The following ANK3 variants were observed in gnomAD, a reference collection of about 807,000 sequenced individuals.
The protein encoded by ANK3 is ankyrin 3, also known as ankyrin-3.
Under a neutral mutation model 370.9 loss-of-function variants are expected in ANK3, and 57 were observed. The observed-to-expected ratio is 0.15, with a 90% CI of 0.12 to 0.19. The LOEUF (loss-of-function observed/expected upper bound fraction) is 0.19. ANK3 is among the 10% of genes least tolerant of loss of function. The pLI, the probability that ANK3 is intolerant of heterozygous loss-of-function variation, is 1.00. For synonymous variants in ANK3, 1,929 were observed against 1,946.3 expected (o/e 0.99, Z 0.23); for missense variants, 4,439 against 5,302.1 (o/e 0.84, Z 5.06).
At chr10:60,715,960 C>T (rs1030833130) in intron 1 of ANK3, among the ~76,000 whole-genome samples, 4 of 152,104 alleles carry the variant, frequency 2.6e-5, no homozygotes, top group African/African-American at 9.7e-5. Flanking sequence ...AGCTTCAACA[C>T]TAGAAAATGT....
chr10:60,417,901 C>T (rs2063701336), intron 2 of ANK3, among the ~76,000 whole-genome samples: 1 of 152,128 alleles, frequency 6.6e-6, no homozygotes, highest in African/African-American at 2.4e-5. Context: ...ATTAATCATA[C>T]TTGAAAGGTT....
chr10:60,085,610 C>CTTTT (rs10601268), intron 30 of ANK3, among the ~76,000 whole-genome samples: 8 of 109,932 alleles, frequency 7.3e-5, no homozygotes, highest in East Asian at 3.3e-4. Flanking sequence ...GTCTCTTACT[C>CTTTT]TTTTTTTTTT....
rs34708451 is a variant in ANK3, at chr10:60,518,146, C to CAAGAAGG, written c.96+97039_96+97040insCCTTCTT. The stretch of plus-strand genomic sequence containing the variant: ...CTAAAACTTACTCTAAAGCCTGGGG[C>CAAGAAGG]AAGGACATCATGGAAGAACTTGTTC... On this transcript the variant is annotated intron_variant, in intron 2 of 43. Coordinates refer to the ANK3 transcript ENST00000373827. Among the ~76,000 whole-genome samples the CAAGAAGG allele has an allele frequency of 3.3e-5, 5 of 151,652 alleles. No homozygotes were observed. The East Asian group carries it at 9.7e-4, about 29-fold the overall frequency.
chr10:60,058,624 T>C (rs2079682836), intron 41 of ANK3, among the ~76,000 whole-genome samples: 2 of 152,212 alleles, frequency 1.3e-5, no homozygotes, highest in Non-Finnish European at 2.9e-5. Context: ...CAAAATGTTA[T>C]TGGTAGATGA....
intron 1 of ANK3, among the ~76,000 whole-genome samples, chr10:60,364,293 C>CA (rs34623231): frequency 0.013 from 1,729 of 135,802 alleles, 12 homozygotes; most frequent in African/African-American, 0.027. Flanking sequence ...GACTCGGTCT[C>CA]AAAAAAAAAA....
chr10:60,486,655 G>C (rs916324598), intron 2 of ANK3, among the ~76,000 whole-genome samples: 2 of 152,104 alleles, frequency 1.3e-5, no homozygotes, highest in African/African-American at 4.8e-5. Context: ...TTGAGTTCCA[G>C]ACTTTCTGAT....
At chr10:60,220,333 C>G (rs1297979406) in intron 8 of ANK3, among the ~76,000 whole-genome samples, 2 of 152,088 alleles carry the variant, frequency 1.3e-5, no homozygotes, top group African/African-American at 4.8e-5. Context: ...TCTGAATGGA[C>G]CCCTCCTCTC....
intron 16 of ANK3, among the ~76,000 whole-genome samples, chr10:60,193,630 G>A (rs968638268): frequency 1.3e-5 from 2 of 149,742 alleles, no homozygotes; most frequent in Non-Finnish European, 3.0e-5. Context: ...ACTCCAGTCT[G>A]GGTGACAAAA....
At chr10:60,488,224 C>CA (rs1194332307) in intron 2 of ANK3, among the ~76,000 whole-genome samples, 1 of 152,016 alleles carries the variant, frequency 6.6e-6, no homozygotes, top group African/African-American at 2.4e-5. Flanking sequence ...AAATGTTTGC[C>CA]AAAAGTAGCT....
intron 1 of ANK3, among the ~76,000 whole-genome samples, chr10:60,705,912 A>G (rs1026030388): frequency 2.9e-5 from 4 of 138,124 alleles, no homozygotes; most frequent in African/African-American, 1.1e-4. Flanking sequence ...ACCCTCGACC[A>G]CCCAGGCTCA....
intron 43 of ANK3, among the ~76,000 whole-genome samples, chr10:60,032,732 T>C (rs566510836): frequency 2.0e-5 from 3 of 152,278 alleles, no homozygotes; most frequent in African/African-American, 7.2e-5. Context: ...CCAGTGAGGA[T>C]GTTTTGGGTG....
chr10:60,675,768 G>A (rs1564532952), intron 1 of ANK3, among the ~76,000 whole-genome samples: 1 of 152,130 alleles, frequency 6.6e-6, no homozygotes, highest in Non-Finnish European at 1.5e-5. Context: ...TCTCAAAAGA[G>A]GCAGTATCAC....
At chr10:60,103,140 G>A (rs891748998) in intron 28 of ANK3, among the ~76,000 whole-genome samples, 4 of 151,656 alleles carry the variant, frequency 2.6e-5, no homozygotes, top group Non-Finnish European at 4.4e-5. Context: ...TAGTAGAGAC[G>A]GGGGTTTCAC....
At chr10:60,615,770 A>G (rs994478464) in intron 1 of ANK3, among the ~76,000 whole-genome samples, 2 of 152,186 alleles carry the variant, frequency 1.3e-5, no homozygotes, top group African/African-American at 4.8e-5. Context: ...GCAAGAGATG[A>G]CATGGTTCCT....
At chr10:60,626,883 C>T (rs1421499521) in intron 1 of ANK3, among the ~76,000 whole-genome samples, 1 of 151,948 alleles carries the variant, frequency 6.6e-6, no homozygotes, top group East Asian at 1.9e-4. Context: ...AGACTGAGGA[C>T]CAGCTGGGGA....
chr10:60,532,311 T>C (rs1250081545), intron 2 of ANK3, among the ~76,000 whole-genome samples: 1 of 151,918 alleles, frequency 6.6e-6, no homozygotes, highest in Non-Finnish European at 1.5e-5. Flanking sequence ...CTAAATGGGG[T>C]GCACTCTTTC....
In ANK3 at chr10:60,628,419, T is replaced by C. The variant is rs573439571; in HGVS notation, c.58-13195A>G. Reference sequence around the variant, plus strand: ...CACCTGATAAAGCATTGTTTACTTTTATCTTTTTCTCTCAAATCCCCCATG... The same window carrying C: ...CACCTGATAAAGCATTGTTTACTTTCATCTTTTTCTCTCAAATCCCCCATG... On this transcript the variant is annotated intron_variant, in intron 1 of 43. Coordinates refer to the ANK3 transcript ENST00000373827. Among the ~76,000 whole-genome samples, 19 of 152,332 alleles carry C rather than the reference T, an allele frequency of 1.2e-4. No individual in the cohort carries two copies. In the South Asian group the frequency reaches 3.7e-3, roughly 30 times the overall value.
chr10:60,524,001 TTC>T (rs2076411302), intron 2 of ANK3, among the ~76,000 whole-genome samples: 1 of 152,052 alleles, frequency 6.6e-6, no homozygotes, highest in South Asian at 2.1e-4. Context: ...GCCAGGTCTT[TTC>T]TTGTATTAAA....
At chr10:60,731,377 C>A (rs2132035530) in intron 1 of ANK3, among the ~76,000 whole-genome samples, 1 of 152,296 alleles carries the variant, frequency 6.6e-6, no homozygotes, top group South Asian at 2.1e-4. Context: ...TCTGAAGGAT[C>A]TTGAGCTACA....
Sources: gnomAD v4.1 joint callset for allele counts (sites outside exome capture counted in the v4.1 genomes callset) on GRCh38, gnomAD v4.1.1 for gene constraint, MANE v1.5 for transcripts, NCBI Gene and HGNC (gene_info 2026-07-23, HGNC 2026-07-21) for gene names.